ENTPD7: variants seen among roughly 807,000 people sequenced by gnomAD.
ENTPD7 encodes the protein NTPDase 7.
ENTPD7 carries 53 observed loss-of-function variants against 77.9 expected under a neutral mutation model. That is an observed-to-expected ratio of 0.68 (90% confidence interval 0.55 to 0.85). The LOEUF is 0.85. ENTPD7 is among the 40% of genes least tolerant of loss of function. The probability of loss-of-function intolerance (pLI) is 0.00; values close to 1 mark genes in which losing one functional copy is unlikely to be tolerated. For synonymous variants in ENTPD7, 248 were observed against 274.9 expected (o/e 0.90, Z 0.97); for missense variants, 636 against 743.7 (o/e 0.86, Z 1.68).
intron 3 of ENTPD7, among the ~76,000 whole-genome samples, chr10:99,673,813 C>G (rs2133451209): frequency 6.6e-6 from 1 of 152,224 alleles, no homozygotes; most frequent in South Asian, 2.1e-4. Context: ...GTTAACAGAC[C>G]AACAGCTCCA....
In ENTPD7 at chr10:99,664,557, C is replaced by T. The variant is rs187774385; in HGVS notation, c.191+2929C>T. ...CTCTGCCTCCCGGGTTCAAGTGATT[C>T]TCCTGCCTCAGCCTCCTGAGTAGCT... is the stretch of plus-strand genomic sequence containing the variant. On this transcript the variant is annotated intron_variant, in intron 3 of 12. Transcript: ENST00000370489. 3.9e-3 allele frequency among the ~76,000 whole-genome samples: 589 copies of T among 150,700 alleles called. 2 individuals are homozygous for T. Among genetic ancestry groups the T allele is most frequent in the Admixed American group, 6.4e-3 (97 of 15,056 alleles).
At chr10:99,701,478 G>A (rs1319898115) in intron 11 of ENTPD7, among the ~76,000 whole-genome samples, 2 of 151,528 alleles carry the variant, frequency 1.3e-5, no homozygotes, top group East Asian at 2.0e-4. Context: ...TTGTAGAGAC[G>A]GGGTTTCGCA....
Position 99,705,718 on chromosome 10 carries a change from T to C in ENTPD7, c.*1035T>C, listed in dbSNP as rs2133534352. The C allele has an allele frequency of 6.6e-6, 1 of 152,342 alleles. No homozygotes were observed. Among genetic ancestry groups the C allele is most frequent in the East Asian group, 1.9e-4 (1 of 5,188 alleles). The allele number at this position is 152,342 out of a possible 1,614,324, so 9.4% of individuals were successfully genotyped here. ...ATTATTTCTGAGAAATAGAAGTTTC[T>C]CAATTTATGACTCTTGGAATGTCTG... On this transcript the variant is annotated 3_prime_UTR_variant, in exon 13 of 13. Coordinates refer to ENST00000370489, the MANE Select transcript of ENTPD7 (RefSeq NM_020354.5).
chr10:99,665,956 T>G (rs1178466827), intron 3 of ENTPD7, among the ~76,000 whole-genome samples: 1 of 152,216 alleles, frequency 6.6e-6, no homozygotes, highest in Non-Finnish European at 1.5e-5. Flanking sequence ...TGAGTTTGTT[T>G]AATGCTTATG....
In ENTPD7 at chr10:99,710,530, T is replaced by C. The variant is rs1005215513; in HGVS notation, c.*5847T>C. On this transcript the variant is annotated 3_prime_UTR_variant, in exon 13 of 13. Coordinates refer to ENST00000370489, the MANE Select transcript of ENTPD7 (RefSeq NM_020354.5). The stretch of plus-strand genomic sequence containing the variant: ...ACTCTGTTTTTTCTACTGCTTCACA[T>C]TAAACAATAATTTTGTTGAATTTTG... 4.2e-5 allele frequency: 41 copies of C among 985,308 alleles called. No homozygotes were observed. The highest frequency in any genetic ancestry group is 1.1e-4 in the East Asian group (1 of 8,826). The allele number at this position is 985,308 out of a possible 1,614,324, so 61.0% of individuals were successfully genotyped here.
At position 99,698,535 on chromosome 10, in the gene ENTPD7, T is replaced by C. The variant is rs201824995; in HGVS notation, c.1012T>C (p.Leu338=). ...VLNETLNKNR[L]LGQKTGLSPD... ...TGTTTGTTTTTGTCATTGTGGCAGA[T>C]TGCTTGGTCAGAAGACAGGTCTGAG... Residue 338 remains leucine (L), a splice_region_variant and synonymous_variant, in exon 10 of 13, where the codon TTG becomes CTG. Transcript: ENST00000370489. 351 of 1,612,196 alleles carry C rather than the reference T, an allele frequency of 2.2e-4. No homozygotes were observed. The Admixed American group carries it at 3.3e-3, about 15-fold the overall frequency.
At chr10:99,670,108 AT>A (rs2035603148) in intron 3 of ENTPD7, among the ~76,000 whole-genome samples, 1 of 151,854 alleles carries the variant, frequency 6.6e-6, no homozygotes, top group Non-Finnish European at 1.5e-5. Context: ...ATGCTCCAAT[AT>A]TTTCTTCAGA....
intron 3 of ENTPD7, among the ~76,000 whole-genome samples, chr10:99,665,988 G>A (rs1001445941): frequency 2.6e-5 from 4 of 152,116 alleles, no homozygotes; most frequent in African/African-American, 4.8e-5. Flanking sequence ...ACAGACCTGC[G>A]CATAGTTTCT....
chr10:99,671,390 T>C (rs1272740628), intron 3 of ENTPD7, among the ~76,000 whole-genome samples: 1 of 152,068 alleles, frequency 6.6e-6, no homozygotes, highest in Non-Finnish European at 1.5e-5. Context: ...TAAGTTTTCT[T>C]CTATTTTTAA....
rs1368283352 is a variant in ENTPD7, at chr10:99,706,150, TTCATAC to T, written c.*1469_*1474del. The T allele has an allele frequency of 6.6e-6, 1 of 151,996 alleles. No homozygotes were observed. The highest frequency in any genetic ancestry group is 1.5e-5 in the Non-Finnish European group (1 of 67,992). The allele number at this position is 151,996 out of a possible 1,614,324, so 9.4% of individuals were successfully genotyped here. A position where few individuals can be genotyped will look rare whatever the true frequency, so the allele number is the denominator to read the frequency against. On this transcript the variant is annotated 3_prime_UTR_variant, in exon 13 of 13. Transcript: ENST00000370489. The stretch of plus-strand genomic sequence containing the variant: ...AAAGTAGAATTCTTCAAAAATAAAT[TTCATAC>T]TGGGAACAGAAAGGAACTAAATGCT...
intron 9 of ENTPD7, 78 bp from the exon 10 acceptor site, chr10:99,698,456 G>C: frequency 7.3e-7 from 1 of 1,369,704 alleles, no homozygotes; most frequent in East Asian, 2.3e-5. Flanking sequence ...TATTTCTGAT[G>C]CACATTGTGT....
intron 8 of ENTPD7, among the ~76,000 whole-genome samples, chr10:99,694,110 A>G (rs1047638144): frequency 2.6e-5 from 4 of 152,272 alleles, no homozygotes; most frequent in Non-Finnish European, 2.9e-5. Context: ...AGCCACCACT[A>G]TTGAATTCCA....
chr10:99,683,261 A>G (rs1269267812), intron 5 of ENTPD7, among the ~76,000 whole-genome samples: 1 of 152,172 alleles, frequency 6.6e-6, no homozygotes, highest in East Asian at 1.9e-4. Flanking sequence ...CCTGTTTTGT[A>G]TGATTAAAGG....
At chr10:99,681,073 A>G (rs2035747231) in intron 5 of ENTPD7, among the ~76,000 whole-genome samples, 1 of 152,142 alleles carries the variant, frequency 6.6e-6, no homozygotes, top group African/African-American at 2.4e-5. Flanking sequence ...TCTAAATAGT[A>G]TTCCACTGTG....
At position 99,706,390 on chromosome 10, in the gene ENTPD7, G is replaced by A. The variant is rs1349457006; in HGVS notation, c.*1707G>A. ...ACGCTGTCACCCAGGCTGGAGTGCAGTTGTGCAACATCATGGCTCACCGCA... is the reference window on the plus strand; with the variant it reads ...ACGCTGTCACCCAGGCTGGAGTGCAATTGTGCAACATCATGGCTCACCGCA... On this transcript the variant is annotated 3_prime_UTR_variant, in exon 13 of 13. Coordinates refer to ENST00000370489, the MANE Select transcript of ENTPD7 (RefSeq NM_020354.5). The A allele has an allele frequency of 1.3e-5, 2 of 151,678 alleles. No homozygotes were observed. The highest frequency in any genetic ancestry group is 1.3e-4 in the Admixed American group (2 of 15,194). The allele number at this position is 151,678 out of a possible 1,614,324, so 9.4% of individuals were successfully genotyped here. A position where few individuals can be genotyped will look rare whatever the true frequency, so the allele number is the denominator to read the frequency against.
intron 3 of ENTPD7, among the ~76,000 whole-genome samples, chr10:99,671,863 C>T (rs927455926): frequency 2.2e-4 from 33 of 152,150 alleles, no homozygotes; most frequent in African/African-American, 7.7e-4. Context: ...ATGAGAGGTT[C>T]TGTGTCAGCA....
In ENTPD7 at chr10:99,696,121, A is replaced by G. The variant is rs146820785; in HGVS notation, c.1009A>G (p.Arg337Gly). The G allele has an allele frequency of 2.5e-6, 4 of 1,612,890 alleles. No homozygotes were observed. Among genetic ancestry groups the G allele is most frequent in the Non-Finnish European group, 3.4e-6 (4 of 1,179,716 alleles). ...LVLNETLNKN[R>G]LLGQKTGLSP... ...TCTGAATGAAACTCTTAACAAAAACAGGTACATTTGATATGGGATCTGAGT... is the reference window on the plus strand; with the variant it reads ...TCTGAATGAAACTCTTAACAAAAACGGGTACATTTGATATGGGATCTGAGT... The change falls in exon 9 of 13, where the codon AGA becomes GGA. Residue 337 changes from arginine (R) to glycine (G), a missense_variant and splice_region_variant. By Grantham distance (125) the Arg-to-Gly change is moderately radical. Around this residue, in one of 3 missense-constraint regions of ENTPD7, gnomAD observed 486 missense variants for 556.5 expected, o/e 0.87. Coordinates refer to ENST00000370489, the MANE Select transcript of ENTPD7 (RefSeq NM_020354.5).
intron 3 of ENTPD7, among the ~76,000 whole-genome samples, chr10:99,664,450 CTTTT>C (rs1209558702): frequency 1.5e-5 from 2 of 131,292 alleles, no homozygotes. Flanking sequence ...TTTACATTTT[CTTTT>C]TTTTTTTTTT....
In ENTPD7 at chr10:99,661,514, G is replaced by A. The variant is rs143637078; in HGVS notation, c.77G>A (p.Arg26His). ...GTGCCCACAGTGAGTCCATTTCTCCGTCAGCGGGTGGCATTCCTGGGACTC... is the reference window on the plus strand; with the variant it reads ...GTGCCCACAGTGAGTCCATTTCTCCATCAGCGGGTGGCATTCCTGGGACTC... ...FTVPTVSPFL[R>H]QRVAFLGLFF... The change falls in exon 3 of 13, where the codon CGT becomes CAT. Residue 26 changes from arginine (R) to histidine (H), a missense_variant. Arg to His is a conservative substitution (Grantham distance 29). This residue lies in a region of ENTPD7 where 486 missense variants were observed against 556.5 expected (regional missense o/e 0.87). Transcript: ENST00000370489. 124 of 1,613,760 alleles carry A rather than the reference G, an allele frequency of 7.7e-5. No individual in the cohort carries two copies. Among genetic ancestry groups the A allele is most frequent in the South Asian group, 4.9e-4 (45 of 91,022 alleles).
Sources: allele counts gnomAD v4.1 joint callset (sites outside exome capture counted in the v4.1 genomes callset), GRCh38; gene constraint gnomAD v4.1.1; regional missense constraint gnomAD v4.1.1; transcripts MANE v1.5; gene names NCBI Gene and HGNC (gene_info 2026-07-23, HGNC 2026-07-21).